CAST: variants seen among roughly 807,000 people sequenced by gnomAD.
CAST encodes the protein MIR583 host.
In CAST, 76 loss-of-function variants were observed where a neutral mutation model predicts 119.6. The ratio of observed to expected loss-of-function variants is 0.64; its 90% CI spans 0.53 to 0.77. CAST has a LOEUF of 0.77. Ranked by LOEUF, CAST falls within the 30% of genes least tolerant of loss-of-function variation. The probability of loss-of-function intolerance (pLI) is 0.00; values close to 1 mark genes in which losing one functional copy is unlikely to be tolerated. For missense variants in CAST, 953 were observed against 946.5 expected (o/e 1.01, Z -0.09); for synonymous variants, 319 against 331.6 (o/e 0.96, Z 0.41).
At chr5:96,694,189 T>G (rs1307068600) in intron 2 of CAST, among the ~76,000 whole-genome samples, 1 of 152,242 alleles carries the variant, frequency 6.6e-6, no homozygotes, top group Non-Finnish European at 1.5e-5. Flanking sequence ...TTATTCTCAA[T>G]TATACATATA....
intron 3 of CAST, among the ~76,000 whole-genome samples, chr5:96,713,723 C>T (rs763484781): frequency 1.3e-5 from 2 of 152,066 alleles, no homozygotes; most frequent in Admixed American, 6.5e-5. Context: ...CCTGTAATCC[C>T]AGCACTTCGG....
At chr5:96,191,831 G>A in the CAST span, among the ~76,000 whole-genome samples, 29 of 152,202 alleles carry the variant, frequency 1.9e-4, no homozygotes, top group Non-Finnish European at 7.3e-5. Flanking sequence ...GCCTCCCAAA[G>A]TGCTGGGATT....
At chr5:96,469,373 G>C in the CAST span, among the ~76,000 whole-genome samples, 1 of 152,024 alleles carries the variant, frequency 6.6e-6, no homozygotes, top group South Asian at 2.1e-4. Flanking sequence ...GGGATGGTTT[G>C]TGAAAAGATC....
At chr5:96,312,824 A>G in the CAST span, among the ~76,000 whole-genome samples, 3 of 152,136 alleles carry the variant, frequency 2.0e-5, no homozygotes, top group Admixed American at 6.5e-5. Flanking sequence ...TACATTAGCT[A>G]TAAGTTCAAT....
chr5:96,420,487 G>A, the CAST span, among the ~76,000 whole-genome samples: 1 of 152,070 alleles, frequency 6.6e-6, no homozygotes, highest in Non-Finnish European at 1.5e-5. Context: ...GGATATTTGC[G>A]GTTAACCCCT....
At chr5:96,386,058 C>T in the CAST span, among the ~76,000 whole-genome samples, 1 of 152,194 alleles carries the variant, frequency 6.6e-6, no homozygotes, top group Non-Finnish European at 1.5e-5. Context: ...TATTATTTAT[C>T]TCAGATTCGT....
chr5:96,085,340 A>G, the CAST span, among the ~76,000 whole-genome samples: 1 of 152,210 alleles, frequency 6.6e-6, no homozygotes, highest in South Asian at 2.1e-4. Flanking sequence ...GAATAATACT[A>G]TAATAGAGGA....
chr5:96,669,067 T>C (rs1749718925), intron 1 of CAST, among the ~76,000 whole-genome samples: 1 of 152,186 alleles, frequency 6.6e-6, no homozygotes, highest in African/African-American at 2.4e-5. Context: ...CTTGAGGCCA[T>C]CCATCAAGAG....
At chr5:96,160,237 G>T in the CAST span, among the ~76,000 whole-genome samples, 1 of 151,912 alleles carries the variant, frequency 6.6e-6, no homozygotes, top group Non-Finnish European at 1.5e-5. Context: ...GCCCAAAAAT[G>T]AAACCCCCTC....
At chr5:96,309,234 G>A in the CAST span, among the ~76,000 whole-genome samples, 2 of 152,248 alleles carry the variant, frequency 1.3e-5, no homozygotes, top group East Asian at 1.9e-4. Context: ...GAACTTCTTG[G>A]CGGCTTTGTT....
the CAST span, among the ~76,000 whole-genome samples, chr5:96,242,984 T>C: frequency 1.3e-5 from 2 of 152,204 alleles, no homozygotes; most frequent in African/African-American, 4.8e-5. Flanking sequence ...ATAATGATAG[T>C]GTGGCATGAT....
rs534388209 is a variant in CAST, at chr5:96,631,677, C to T, written c.61-43862C>T. ...CTCCCCGAGTAGCTGGGACCACAGG[C>T]GCCCGCCACCACGCCCGGATAATTT... is the stretch of plus-strand genomic sequence containing the variant. On this transcript the variant is annotated intron_variant, in intron 1 of 11. Transcript: ENST00000505143. 2.3e-4 allele frequency among the ~76,000 whole-genome samples: 35 copies of T among 149,556 alleles called. 2 individuals are homozygous for T. The highest frequency in any genetic ancestry group is 7.8e-4 in the African/African-American group (32 of 40,914).
intron 3 of CAST, among the ~76,000 whole-genome samples, chr5:96,710,313 G>A (rs1350178576): frequency 6.6e-6 from 1 of 152,094 alleles, no homozygotes; most frequent in East Asian, 1.9e-4. Context: ...GCAATAGACG[G>A]TAGAAAATGG....
the CAST span, among the ~76,000 whole-genome samples, chr5:96,303,449 A>T: frequency 6.6e-5 from 10 of 152,244 alleles, no homozygotes; most frequent in African/African-American, 1.9e-4. Flanking sequence ...TTCCTTTCAT[A>T]TTTGAATGCC....
chr5:96,366,831 C>G, the CAST span, among the ~76,000 whole-genome samples: 1 of 152,210 alleles, frequency 6.6e-6, no homozygotes, highest in East Asian at 1.9e-4. Flanking sequence ...CTCAACATGT[C>G]AAAGTCATTC....
chr5:96,015,070 G>C, the CAST span, among the ~76,000 whole-genome samples: 1 of 152,140 alleles, frequency 6.6e-6, no homozygotes, highest in Non-Finnish European at 1.5e-5. Context: ...TAGGTGAGAA[G>C]CTAAGTAACT....
At chr5:96,757,395 G>A (rs1224439071) in intron 22 of CAST, 49 bp from the exon 23 acceptor site, 1 of 1,527,210 alleles carries the variant, frequency 6.5e-7, no homozygotes, top group Non-Finnish European at 9.1e-7. Flanking sequence ...TTCATACTTT[G>A]GATAAAATGT....
chr5:96,588,303 G>T (rs916528239), intron 1 of CAST, among the ~76,000 whole-genome samples: 20 of 136,296 alleles, frequency 1.5e-4, no homozygotes, highest in African/African-American at 5.3e-4. Flanking sequence ...CCAGGTTCAA[G>T]CAATTCTCCT....
chr5:96,562,195 A>C (rs1746387072), intron 1 of CAST, among the ~76,000 whole-genome samples: 1 of 151,946 alleles, frequency 6.6e-6, no homozygotes, highest in Non-Finnish European at 1.5e-5. Flanking sequence ...ATGCACACAC[A>C]CACACACACA....
Sources: gnomAD v4.1 joint callset for allele counts (sites outside exome capture counted in the v4.1 genomes callset) on GRCh38, gnomAD v4.1.1 for gene constraint, MANE v1.5 for transcripts, NCBI Gene and HGNC (gene_info 2026-07-23, HGNC 2026-07-21) for gene names.